LRRC4C: variants seen among roughly 807,000 people sequenced by gnomAD.
LRRC4C encodes leucine-rich repeat-containing protein 4C.
LRRC4C carries 5 observed loss-of-function variants against 33.6 expected under a neutral mutation model. The ratio of observed to expected loss-of-function variants is 0.15; its 90% CI spans 0.08 to 0.31. The LOEUF (loss-of-function observed/expected upper bound fraction) is 0.31, where lower values mean the gene tolerates loss of function less well. LRRC4C is among the 10% of genes least tolerant of loss of function. LRRC4C has a pLI of 1.00. For synonymous variants in LRRC4C, 329 were observed against 302.0 expected (o/e 1.09, Z -0.93); for missense variants, 560 against 796.7 (o/e 0.70, Z 3.58).
intron 2 of LRRC4C, among the ~76,000 whole-genome samples, chr11:40,858,945 A>C (rs928013862): frequency 2.0e-5 from 3 of 152,168 alleles, no homozygotes; most frequent in Non-Finnish European, 2.9e-5. Flanking sequence ...AAAACTGTTA[A>C]ATCTTTTAAA....
intron 3 of LRRC4C, among the ~76,000 whole-genome samples, chr11:40,496,293 C>T (rs529660463): frequency 6.6e-6 from 1 of 152,212 alleles, no homozygotes; most frequent in South Asian, 2.1e-4. Context: ...TGATCACAAA[C>T]TTATTTTCTT....
At chr11:40,683,686 C>G (rs760736293) in intron 2 of LRRC4C, among the ~76,000 whole-genome samples, 2 of 152,018 alleles carry the variant, frequency 1.3e-5, no homozygotes, top group Non-Finnish European at 2.9e-5. Flanking sequence ...AAAGATCATA[C>G]GAAAACTGTA....
chr11:40,353,834 C>A (rs1947530318), intron 3 of LRRC4C, among the ~76,000 whole-genome samples: 1 of 152,088 alleles, frequency 6.6e-6, no homozygotes, highest in African/African-American at 2.4e-5. Context: ...TCTGTCATAC[C>A]AGGTTAGGTC....
At chr11:40,775,427 A>G (rs925855595) in intron 2 of LRRC4C, among the ~76,000 whole-genome samples, 1 of 143,724 alleles carries the variant, frequency 7.0e-6, no homozygotes, top group Non-Finnish European at 1.5e-5. Flanking sequence ...AAAAAAAAAA[A>G]GTAAATATTT....
At chr11:40,588,262 G>A (rs61888383) in intron 3 of LRRC4C, among the ~76,000 whole-genome samples, 2,400 of 150,690 alleles carry the variant, frequency 0.016, 58 homozygotes, top group African/African-American at 0.054. Context: ...GTTTATTTGC[G>A]TAGAGGTGTT....
chr11:41,113,111 G>A (rs1941935819), intron 1 of LRRC4C, among the ~76,000 whole-genome samples: 1 of 152,010 alleles, frequency 6.6e-6, no homozygotes, highest in Non-Finnish European at 1.5e-5. Flanking sequence ...ATAAATGAAT[G>A]TACATATTTG....
chr11:41,312,539 A>G (rs1220237958), intron 1 of LRRC4C, among the ~76,000 whole-genome samples: 1 of 152,200 alleles, frequency 6.6e-6, no homozygotes, highest in Non-Finnish European at 1.5e-5. Context: ...TATTAATTTC[A>G]TATGAATTGA....
intron 3 of LRRC4C, among the ~76,000 whole-genome samples, chr11:40,357,131 A>C (rs901377733): frequency 3.3e-5 from 5 of 152,168 alleles, no homozygotes; most frequent in Non-Finnish European, 5.9e-5. Flanking sequence ...TTTTAGGTTA[A>C]TACTGACATT....
At position 40,840,659 on chromosome 11, in the gene LRRC4C, TTTC is replaced by T. The variant is rs201255115; in HGVS notation, c.-407+92973_-407+92975del. Among the ~76,000 whole-genome samples the T allele has an allele frequency of 3.6e-3, 548 of 152,338 alleles. 7 individuals are homozygous for T. The highest frequency in any genetic ancestry group is 0.017 in the Middle Eastern group (5 of 294). On this transcript the variant is annotated intron_variant, in intron 2 of 6. Transcript: ENST00000528697. ...TAAAATAGGTTTTGATCAGCTGCTC[TTTC>T]TTCTTCTAGGCAAATCAAATTTGTA...
At chr11:41,236,715 G>A (rs1366875282) in intron 1 of LRRC4C, among the ~76,000 whole-genome samples, 3 of 152,110 alleles carry the variant, frequency 2.0e-5, no homozygotes, top group Non-Finnish European at 4.4e-5. Flanking sequence ...AAAGAAAAAT[G>A]TTAAGTTTTC....
At chr11:41,139,572 G>C (rs1483582020) in intron 1 of LRRC4C, among the ~76,000 whole-genome samples, 1 of 152,158 alleles carries the variant, frequency 6.6e-6, no homozygotes, top group Admixed American at 6.5e-5. Context: ...TCAAAAACTG[G>C]ATTTTGATCA....
intron 2 of LRRC4C, among the ~76,000 whole-genome samples, chr11:40,699,789 A>T (rs1945776186): frequency 6.6e-6 from 1 of 152,146 alleles, no homozygotes; most frequent in Admixed American, 6.6e-5. Context: ...AAGGAGCTCT[A>T]ATATTTTAGT....
At chr11:40,618,049 C>A (rs1962041420) in intron 3 of LRRC4C, among the ~76,000 whole-genome samples, 1 of 151,642 alleles carries the variant, frequency 6.6e-6, no homozygotes, top group Non-Finnish European at 1.5e-5. Flanking sequence ...TTCTCTGGCA[C>A]CATCAGGAAG....
chr11:40,190,875 A>G (rs1485966743), intron 5 of LRRC4C, among the ~76,000 whole-genome samples: 1 of 152,150 alleles, frequency 6.6e-6, no homozygotes, highest in Non-Finnish European at 1.5e-5. Context: ...TTTTCAAAAG[A>G]ACCTCCCACC....
At chr11:40,974,964 T>G (rs770639760) in intron 1 of LRRC4C, among the ~76,000 whole-genome samples, 1 of 152,130 alleles carries the variant, frequency 6.6e-6, no homozygotes, top group African/African-American at 2.4e-5. Context: ...AACATCAGCT[T>G]TTCTGGTTTT....
intron 1 of LRRC4C, among the ~76,000 whole-genome samples, chr11:41,456,302 C>G (rs1564964706): frequency 6.6e-6 from 1 of 152,116 alleles, no homozygotes; most frequent in South Asian, 2.1e-4. Flanking sequence ...CCACCTGATC[C>G]TTACCCACCT....
chr11:40,974,666 T>G lies in LRRC4C; in HGVS notation c.-495-40943A>C, dbSNP rs142667964. Among the ~76,000 whole-genome samples the G allele has an allele frequency of 2.6e-5, 4 of 152,300 alleles. No homozygotes were observed. The East Asian group carries it at 5.8e-4, about 22-fold the overall frequency. ...GAATTGGTAAAGCATTACACTTAGGTGTGTCTGAGAAGGTGTTTCCAGGGA... is the reference window on the plus strand; with the variant it reads ...GAATTGGTAAAGCATTACACTTAGGGGTGTCTGAGAAGGTGTTTCCAGGGA... On this transcript the variant is annotated intron_variant, in intron 1 of 6. Coordinates refer to ENST00000528697, the MANE Select transcript of LRRC4C (RefSeq NM_001258419.2).
chr11:40,834,138 T>C (rs1312544476), intron 2 of LRRC4C, among the ~76,000 whole-genome samples: 2 of 152,150 alleles, frequency 1.3e-5, no homozygotes, highest in Non-Finnish European at 1.5e-5. Context: ...CTCACAGAAT[T>C]ATAAATCTCT....
chr11:40,871,885 AT>A (rs1309214912), intron 2 of LRRC4C, among the ~76,000 whole-genome samples: 1 of 152,118 alleles, frequency 6.6e-6, no homozygotes, highest in Non-Finnish European at 1.5e-5. Flanking sequence ...GTAAATAAAA[AT>A]CTTTGAACTT....
Sources: gnomAD v4.1 joint callset for allele counts (sites outside exome capture counted in the v4.1 genomes callset) on GRCh38, gnomAD v4.1.1 for gene constraint, MANE v1.5 for transcripts, NCBI Gene and HGNC (gene_info 2026-07-23, HGNC 2026-07-21) for gene names.